The following PTPRT variants were observed in gnomAD, a reference collection of about 807,000 sequenced individuals.
The protein encoded by PTPRT is protein tyrosine phosphatase receptor type T.
In PTPRT, 56 loss-of-function variants were observed where a neutral mutation model predicts 176.8. That is an observed-to-expected ratio of 0.32 (90% confidence interval 0.26 to 0.40). The LOEUF is 0.40. Ranked by LOEUF, PTPRT falls within the 10% of genes least tolerant of loss-of-function variation. The probability of loss-of-function intolerance (pLI) is 1.00; values close to 1 mark genes in which losing one functional copy is unlikely to be tolerated. For synonymous variants in PTPRT, 783 were observed against 739.0 expected, an observed-to-expected ratio of 1.06 and a Z score of -0.96; for missense variants, 1,540 against 1,908.2, an observed-to-expected ratio of 0.81 and a Z score of 3.60.
intron 1 of PTPRT, among the ~76,000 whole-genome samples, chr20:43,010,160 G>A (rs546831924): frequency 7.5e-4 from 114 of 151,844 alleles, no homozygotes; most frequent in Non-Finnish European, 1.4e-3. Context: ...TCTCCATGTC[G>A]TGAACTCTTC....
At chr20:42,125,145 C>T (rs1333867458) in intron 19 of PTPRT, among the ~76,000 whole-genome samples, 2 of 152,144 alleles carry the variant, frequency 1.3e-5, no homozygotes, top group African/African-American at 4.8e-5. Flanking sequence ...CTATTGTTAG[C>T]CTAGTGATAC....
At chr20:42,174,652 T>C (rs1040024336) in intron 16 of PTPRT, among the ~76,000 whole-genome samples, 3 of 152,108 alleles carry the variant, frequency 2.0e-5, no homozygotes, top group Non-Finnish European at 4.4e-5. Context: ...GAATCTGATA[T>C]ATTGAGGAAA....
chr20:43,086,055 C>G (rs753344341), intron 1 of PTPRT, among the ~76,000 whole-genome samples: 1 of 152,090 alleles, frequency 6.6e-6, no homozygotes, highest in Non-Finnish European at 1.5e-5. Context: ...AGGAATTACA[C>G]GATGGCCCAA....
chr20:42,248,656 C>T, intron 14 of PTPRT, 31 bp downstream of exon 14: 1 of 1,611,264 alleles, frequency 6.2e-7, no homozygotes, highest in Non-Finnish European at 8.5e-7. Flanking sequence ...CTCGGGTCAG[C>T]AGAGTCTTGC....
Position 42,634,386 on chromosome 20 carries a change from C to A in PTPRT, c.1153+43480G>T, listed in dbSNP as rs1424452821. On this transcript the variant is annotated intron_variant, in intron 7 of 30. Coordinates refer to ENST00000373187, the MANE Select transcript of PTPRT (RefSeq NM_007050.6). ...CTTGAAAGCTCCATGATAGAGATGA[C>A]AGAGCTATAAGATGAAAGCAGCCCA... 2.7e-5 allele frequency among the ~76,000 whole-genome samples: 4 copies of A among 150,844 alleles called. 1 individual carries two copies. The South Asian group carries it at 8.3e-4, about 31-fold the overall frequency.
intron 6 of PTPRT, among the ~76,000 whole-genome samples, chr20:42,704,269 C>T (rs4812633): frequency 0.078 from 11,844 of 151,860 alleles, 505 homozygotes; most frequent in South Asian, 0.16. Context: ...TGATGTCTCC[C>T]AAAATCATCC....
chr20:42,645,028 C>A (rs966393595), intron 7 of PTPRT, among the ~76,000 whole-genome samples: 26 of 152,144 alleles, frequency 1.7e-4, no homozygotes, highest in Non-Finnish European at 2.9e-5. Flanking sequence ...TTTCTCACCC[C>A]AAGTTAGTAA....
At chr20:42,963,584 A>G (rs1982126572) in intron 1 of PTPRT, among the ~76,000 whole-genome samples, 1 of 150,384 alleles carries the variant, frequency 6.6e-6, no homozygotes. Flanking sequence ...TATAAATGCT[A>G]TAAATAGTTC....
intron 1 of PTPRT, among the ~76,000 whole-genome samples, chr20:43,085,625 G>A (rs1046841587): frequency 2.6e-5 from 4 of 152,204 alleles, no homozygotes; most frequent in South Asian, 2.1e-4. Context: ...CAGCAGGCAA[G>A]ATAGAGCAGG....
chr20:42,953,702 A>G (rs1029716579), intron 1 of PTPRT, among the ~76,000 whole-genome samples: 4 of 152,166 alleles, frequency 2.6e-5, no homozygotes, highest in African/African-American at 9.7e-5. Flanking sequence ...ATGTAAAGGC[A>G]GCAGAATTCC....
At chr20:42,302,978 T>A (rs1329268498) in intron 12 of PTPRT, among the ~76,000 whole-genome samples, 1 of 152,216 alleles carries the variant, frequency 6.6e-6, no homozygotes, top group African/African-American at 2.4e-5. Flanking sequence ...CATTTTATAC[T>A]TCCCATTCCT....
chr20:42,170,705 G>A (rs1156897850), intron 16 of PTPRT, among the ~76,000 whole-genome samples: 1 of 152,044 alleles, frequency 6.6e-6, no homozygotes, highest in Non-Finnish European at 1.5e-5. Flanking sequence ...TGTGTGAAGG[G>A]AACAAAAAGA....
At position 42,352,231 on chromosome 20, in the gene PTPRT, T is replaced by C. The variant is rs2145524782; in HGVS notation, c.1615A>G (p.Arg539Gly). Residue 539 changes from arginine (R) to glycine (G), a missense_variant, in exon 10 of 31, where the codon AGG becomes GGG. Transcript: ENST00000373187. ...LDPSADLSSQ[R>G]GKVFKLRNET... ...TTCCGGAGCTTGAACACTTTCCCCC[T>C]CTGGCTCGAGAGGTCAGCACTTGGG... The C allele has an allele frequency of 3.1e-6, 5 of 1,614,112 alleles. No homozygotes were observed. The highest frequency in any genetic ancestry group is 4.2e-6 in the Non-Finnish European group (5 of 1,180,020).
At chr20:42,869,374 G>A (rs208182) in intron 2 of PTPRT, among the ~76,000 whole-genome samples, 38,325 of 151,974 alleles carry the variant, frequency 0.25, 4,881 homozygotes, top group African/African-American at 0.28. Flanking sequence ...GGGCTGCCTG[G>A]GTCTTTGGCC....
rs151331479 is a variant in PTPRT at position 42,166,987 on chromosome 20, T to C, written c.2492-5445A>G. On this transcript the variant is annotated intron_variant, in intron 16 of 30. Transcript: ENST00000373187. ...GGAACTCAATCTGCACCCTGAGAAA[T>C]GTTGAGTCTGGGTCCCAGAATCAGA... is the stretch of plus-strand genomic sequence containing the variant. Among the ~76,000 whole-genome samples, 876 of 151,726 alleles carry C rather than the reference T, an allele frequency of 5.8e-3. 5 individuals are homozygous for C. The highest frequency in any genetic ancestry group is 9.7e-3 in the Non-Finnish European group (662 of 67,928).
At chr20:42,964,955 G>C (rs1982209783) in intron 1 of PTPRT, among the ~76,000 whole-genome samples, 1 of 152,110 alleles carries the variant, frequency 6.6e-6, no homozygotes, top group African/African-American at 2.4e-5. Context: ...TACATTCTTA[G>C]TAAAATAGTT....
At chr20:42,584,632 A>G (rs1457982017) in intron 7 of PTPRT, among the ~76,000 whole-genome samples, 1 of 152,078 alleles carries the variant, frequency 6.6e-6, no homozygotes, top group African/African-American at 2.4e-5. Flanking sequence ...CTTTCACAAT[A>G]TTAATATTTA....
intron 1 of PTPRT, among the ~76,000 whole-genome samples, chr20:43,071,097 A>T (rs2011174647): frequency 6.6e-6 from 1 of 152,096 alleles, no homozygotes; most frequent in African/African-American, 2.4e-5. Context: ...GGAGGGACCA[A>T]ATCTGGTGCA....
chr20:42,383,400 A>C (rs1248053229), intron 9 of PTPRT, among the ~76,000 whole-genome samples: 1 of 144,200 alleles, frequency 6.9e-6, no homozygotes, highest in Non-Finnish European at 1.5e-5. Flanking sequence ...GCAGAAGGAC[A>C]CTGCTAAGCA....
Sources: allele counts gnomAD v4.1 joint callset (sites outside exome capture counted in the v4.1 genomes callset), GRCh38; gene constraint gnomAD v4.1.1; transcripts MANE v1.5; gene names NCBI Gene and HGNC (gene_info 2026-07-23, HGNC 2026-07-21).